The following MAP3K1 variants were observed in gnomAD, a reference collection of about 807,000 sequenced individuals.
MAP3K1 encodes MAP/ERK kinase kinase 1.
A neutral mutation model predicts 144.2 loss-of-function variants in MAP3K1; 36 were observed. The observed-to-expected ratio is 0.25, with a 90% confidence interval of 0.19 to 0.33. The LOEUF (loss-of-function observed/expected upper bound fraction) is 0.33, where lower values mean the gene tolerates loss of function less well. Ranked by LOEUF, MAP3K1 falls within the 10% of genes least tolerant of loss-of-function variation. The probability of loss-of-function intolerance (pLI) is 1.00; values close to 1 mark genes in which losing one functional copy is unlikely to be tolerated. For synonymous variants in MAP3K1, 718 were observed against 688.7 expected (o/e 1.04, Z -0.67); for missense variants, 1,650 against 1,881.9 (o/e 0.88, Z 2.28).
chr5:56,882,922 C>A, intron 14 of MAP3K1, 56 bp downstream of exon 14: 2 of 1,376,864 alleles, frequency 1.5e-6, no homozygotes, highest in Non-Finnish European at 2.0e-6. Context: ...GGCACAGTGA[C>A]TCATACCTGG....
At chr5:56,886,132 A>C (rs1748371918) in intron 17 of MAP3K1, 69 bp downstream of exon 17, 1 of 1,258,528 alleles carries the variant, frequency 7.9e-7, no homozygotes, top group African/African-American at 1.5e-5. Flanking sequence ...GGCCAGGCAC[A>C]GTGGCTCACA....
intron 19 of MAP3K1, among the ~76,000 whole-genome samples, chr5:56,893,221 T>A (rs1176829444): frequency 6.6e-6 from 1 of 152,202 alleles, no homozygotes; most frequent in Non-Finnish European, 1.5e-5. Flanking sequence ...GACAGCAGAA[T>A]TCATTTGAGT....
Position 56,815,826 on chromosome 5 carries a change from C to T in MAP3K1, c.253C>T (p.Pro85Ser). The T allele has an allele frequency of 7.1e-7, 1 of 1,417,252 alleles. No individual in the cohort carries two copies. Among genetic ancestry groups the T allele is most frequent in the Non-Finnish European group, 9.2e-7 (1 of 1,081,972 alleles). 87.8% of individuals were successfully genotyped at this position (1,417,252 alleles called of 1,614,324 possible). Residue 85 changes from proline (P) to serine (S), a missense_variant, in exon 1 of 20, where the codon CCG becomes TCG. By Grantham distance (74) the Pro-to-Ser change is moderately conservative (BLOSUM62 -1). Coordinates refer to ENST00000399503, the MANE Select transcript of MAP3K1 (RefSeq NM_005921.2). Reference sequence around the variant, plus strand: ...GCCGCTCTTCCTTGCCGCCTCACCGCCGGCCTCCTCGACTTCCCCGTCGCC... The same window carrying T: ...GCCGCTCTTCCTTGCCGCCTCACCGTCGGCCTCCTCGACTTCCCCGTCGCC... ...EQPLFLAASP[P>S]ASSTSPSPEP...
At position 56,865,930 on chromosome 5, in the gene MAP3K1, T is replaced by G; in HGVS notation, c.1254T>G (p.Ser418=). The change falls in exon 6 of 20, where the codon TCT becomes TCG. Residue 418 remains serine, a synonymous_variant. Coordinates refer to ENST00000399503, the MANE Select transcript of MAP3K1 (RefSeq NM_005921.2). ...AGTTTGTTTCACGCATGTCAAATTCTCATACATTGTCATCATCTAGTACTT... is the reference window on the plus strand; with the variant it reads ...AGTTTGTTTCACGCATGTCAAATTCGCATACATTGTCATCATCTAGTACTT... ...IQKFVSRMSN[S]HTLSSSSTST... is the part of the protein sequence containing the mutation. 1 of 1,612,860 alleles carries G rather than the reference T, an allele frequency of 6.2e-7. No individual in the cohort carries two copies. Among genetic ancestry groups the G allele is most frequent in the Non-Finnish European group, 8.5e-7 (1 of 1,178,822 alleles).
chr5:56,815,938 C>T lies in MAP3K1; in HGVS notation c.365C>T (p.Ala122Val), dbSNP rs551441680. Residue 122 changes from alanine (A) to valine (V), a missense_variant, in exon 1 of 20, where the codon GCC becomes GTC. Physicochemically the swap from Ala to Val is moderately conservative, Grantham distance 64. This residue lies in a region of MAP3K1 where 360 missense variants were observed against 274.7 expected (regional missense o/e 1.31). Transcript: ENST00000399503. ...CACGGAGCCGCGAGCCGCGGCGGCGCCCACCTTACCGAGTCGGTGGCGGCG... is the reference window on the plus strand; with the variant it reads ...CACGGAGCCGCGAGCCGCGGCGGCGTCCACCTTACCGAGTCGGTGGCGGCG... ...PPHGAASRGGAHLTESVAAPD... is the reference protein window; with the variant it reads ...PPHGAASRGGVHLTESVAAPD... The T allele has an allele frequency of 1.3e-5, 17 of 1,263,044 alleles. No individual in the cohort carries two copies. The highest frequency in any genetic ancestry group is 3.1e-4 in the Middle Eastern group (1 of 3,242). 78.2% of individuals were successfully genotyped at this position (1,263,044 alleles called of 1,614,324 possible). A position where few individuals can be genotyped will look rare whatever the true frequency, so the allele number is the denominator to read the frequency against.
intron 1 of MAP3K1, among the ~76,000 whole-genome samples, chr5:56,838,213 C>T (rs940430948): frequency 2.1e-5 from 3 of 143,078 alleles, no homozygotes; most frequent in Non-Finnish European, 4.6e-5. Flanking sequence ...TGAAAAAGAG[C>T]TGTCTTGTTT....
At chr5:56,868,446 G>A (rs58333775) in intron 6 of MAP3K1, among the ~76,000 whole-genome samples, 5,293 of 151,966 alleles carry the variant, frequency 0.035, 296 homozygotes, top group African/African-American at 0.11. Flanking sequence ...GTGCAGTGGC[G>A]TGATCTTGGC....
intron 3 of MAP3K1, among the ~76,000 whole-genome samples, chr5:56,863,689 C>T (rs1368097685): frequency 6.6e-6 from 1 of 152,178 alleles, no homozygotes; most frequent in East Asian, 1.9e-4. Context: ...ATACGTTTAA[C>T]ATTTTGAGGA....
chr5:56,876,849 G>A (rs1451334450), intron 10 of MAP3K1, among the ~76,000 whole-genome samples: 1 of 152,144 alleles, frequency 6.6e-6, no homozygotes, highest in Non-Finnish European at 1.5e-5. Flanking sequence ...ACACAACTTG[G>A]ATTATCCCCC....
In MAP3K1 at chr5:56,864,829, A is replaced by G. The variant is rs748440010; in HGVS notation, c.930A>G (p.Lys310=). The change falls in exon 4 of 20, where the codon AAA becomes AAG. Residue 310 remains lysine (K), a synonymous_variant. Transcript: ENST00000399503. ...SPEETNRRVN[K]VMRARLYLLQ... ...AGGAAACAAACCGCCGTGTTAACAA[A>G]GTGATGCGGGCCAGACTGTACTTAC... The G allele has an allele frequency of 1.2e-6, 2 of 1,614,164 alleles. No individual in the cohort carries two copies. Among genetic ancestry groups the G allele is most frequent in the Admixed American group, 1.7e-5 (1 of 60,026 alleles).
At chr5:56,842,950 C>A (rs1434278860) in intron 1 of MAP3K1, among the ~76,000 whole-genome samples, 1 of 152,122 alleles carries the variant, frequency 6.6e-6, no homozygotes, top group Non-Finnish European at 1.5e-5. Context: ...GATCGCTGTG[C>A]CATACTTCTT....
Position 56,815,636 on chromosome 5 carries a change from C to A in MAP3K1, c.63C>A (p.Ser21Arg). 7.5e-7 allele frequency: 1 copy of A among 1,334,120 alleles called. No homozygotes were observed. Among genetic ancestry groups the A allele is most frequent in the Non-Finnish European group, 9.6e-7 (1 of 1,042,934 alleles). 82.6% of individuals were successfully genotyped at this position (1,334,120 alleles called of 1,614,324 possible). ...GATTCCCGGGCGCCAGGGCTACGAG[C>A]CCTGAGGCAGGCGGCGGCGGAGGAG... ...SSGFPGARAT[S>R]PEAGGGGGAL... Residue 21 changes from serine (S) to arginine (R), a missense_variant, in exon 1 of 20, where the codon AGC (serine) becomes AGA (arginine). Physicochemically the swap from Ser to Arg is moderately radical, Grantham distance 110. This residue lies in a region of MAP3K1 where 360 missense variants were observed against 274.7 expected (regional missense o/e 1.31). Coordinates refer to ENST00000399503, the MANE Select transcript of MAP3K1 (RefSeq NM_005921.2).
chr5:56,833,242 AGT>A (rs1215381420), intron 1 of MAP3K1, among the ~76,000 whole-genome samples: 1 of 152,242 alleles, frequency 6.6e-6, no homozygotes, highest in African/African-American at 2.4e-5. Context: ...TTTAAATTTC[AGT>A]GTTTTTACAA....
At chr5:56,879,181 AT>A (rs1190171739) in intron 11 of MAP3K1, 80 bp downstream of exon 11, 10 of 1,431,842 alleles carry the variant, frequency 7.0e-6, no homozygotes, top group Admixed American at 1.7e-5. Context: ...TAGTGTGAAT[AT>A]CTGATACATT....
At chr5:56,839,305 A>G (rs1489837205) in intron 1 of MAP3K1, among the ~76,000 whole-genome samples, 1 of 152,198 alleles carries the variant, frequency 6.6e-6, no homozygotes, top group Admixed American at 6.5e-5. Flanking sequence ...TTAATTGACT[A>G]CTAGGCATCA....
At chr5:56,887,001 G>A (rs1304022071) in intron 17 of MAP3K1, among the ~76,000 whole-genome samples, 1 of 152,106 alleles carries the variant, frequency 6.6e-6, no homozygotes, top group Non-Finnish European at 1.5e-5. Flanking sequence ...GGGCTCAAGC[G>A]ACCCGCTTGC....
chr5:56,884,058 A>AT (rs2111952754), intron 15 of MAP3K1, among the ~76,000 whole-genome samples: 1 of 152,286 alleles, frequency 6.6e-6, no homozygotes, highest in Non-Finnish European at 1.5e-5. Context: ...CTGAGACAGA[A>AT]GAATTGCTTG....
chr5:56,840,870 G>T (rs1176611171), intron 1 of MAP3K1, among the ~76,000 whole-genome samples: 1 of 138,344 alleles, frequency 7.2e-6, no homozygotes, highest in African/African-American at 2.7e-5. Flanking sequence ...AATTGTTAAG[G>T]TTTTTTTTTT....
chr5:56,865,294 G>T, intron 4 of MAP3K1, 46 bp from the exon 5 acceptor site: 1 of 1,072,854 alleles, frequency 9.3e-7, no homozygotes, highest in Non-Finnish European at 1.4e-6. Flanking sequence ...AAGTTCTTGT[G>T]AACCACAGAT....
Sources: allele counts gnomAD v4.1 joint callset (sites outside exome capture counted in the v4.1 genomes callset), GRCh38; gene constraint gnomAD v4.1.1; regional missense constraint gnomAD v4.1.1; transcripts MANE v1.5; gene names NCBI Gene and HGNC (gene_info 2026-07-23, HGNC 2026-07-21).